Variants in KCNIP1 observed in about 807,000 individuals in gnomAD.
KCNIP1 encodes the protein potassium voltage-gated channel interacting protein 1.
Under a neutral mutation model 33.0 loss-of-function variants are expected in KCNIP1, and 18 were observed. The observed-to-expected ratio is 0.55, with a 90% CI of 0.38 to 0.81. KCNIP1 has a LOEUF of 0.81. KCNIP1 is among the 30% of genes least tolerant of loss of function. The pLI is 0.00. For synonymous variants in KCNIP1, 93 were observed against 98.3 expected (o/e 0.95, Z 0.32); for missense variants, 238 against 271.6 (o/e 0.88, Z 0.87).
At chr5:170,554,512 C>T (rs1028319836) in intron 1 of KCNIP1, among the ~76,000 whole-genome samples, 1 of 152,166 alleles carries the variant, frequency 6.6e-6, no homozygotes. Context: ...GCTCTTGAGG[C>T]CAGAAGAGTG....
intron 5 of KCNIP1, among the ~76,000 whole-genome samples, chr5:170,730,913 A>T (rs1287556992): frequency 6.6e-6 from 1 of 152,224 alleles, no homozygotes; most frequent in Non-Finnish European, 1.5e-5. Flanking sequence ...GAGCAAAATT[A>T]AAAATTATTA....
chr5:170,559,073 G>T (rs1459569879), intron 1 of KCNIP1, among the ~76,000 whole-genome samples: 1 of 152,200 alleles, frequency 6.6e-6, no homozygotes, highest in Non-Finnish European at 1.5e-5. Flanking sequence ...GTATCTGGCA[G>T]CTGTATGAAC....
chr5:170,604,207 T>C (rs1332969065), intron 1 of KCNIP1, among the ~76,000 whole-genome samples: 1 of 152,118 alleles, frequency 6.6e-6, no homozygotes, highest in East Asian at 1.9e-4. Context: ...GGTTCCATTC[T>C]AGGGAAATCT....
chr5:170,698,344 T>C (rs1762970990), intron 1 of KCNIP1, among the ~76,000 whole-genome samples: 1 of 152,204 alleles, frequency 6.6e-6, no homozygotes, highest in African/African-American at 2.4e-5. Flanking sequence ...TATGTGGCTA[T>C]AAAGTTCATG....
At chr5:170,455,643 A>G (rs1312175816) in intron 1 of KCNIP1, among the ~76,000 whole-genome samples, 5 of 152,234 alleles carry the variant, frequency 3.3e-5, no homozygotes, top group Non-Finnish European at 4.4e-5. Flanking sequence ...ATTAGAAAGA[A>G]CTTTTGGAAA....
intron 1 of KCNIP1, among the ~76,000 whole-genome samples, chr5:170,565,365 A>G (rs2060492336): frequency 6.6e-6 from 1 of 152,142 alleles, no homozygotes; most frequent in Admixed American, 6.5e-5. Flanking sequence ...TTAACCAATA[A>G]TCAAATCAGT....
In KCNIP1 at chr5:170,604,758, T is replaced by G. The variant is rs148538258; in HGVS notation, c.61+100125T>G. ...CCAGATCTGTCCCACCCCTGGGAAC[T>G]GGCTCAGTGGCCTTGCCCCACCAGA... On this transcript the variant is annotated intron_variant, in intron 1 of 7. Coordinates refer to ENST00000328939, the MANE Select transcript of KCNIP1 (RefSeq NM_014592.4). 5.6e-3 allele frequency among the ~76,000 whole-genome samples: 860 copies of G among 152,302 alleles called. 5 individuals are homozygous for G. The highest frequency in any genetic ancestry group is 0.02 in the African/African-American group (814 of 41,566).
chr5:170,561,977 C>T (rs889731108), intron 1 of KCNIP1, among the ~76,000 whole-genome samples: 70 of 152,200 alleles, frequency 4.6e-4, no homozygotes, highest in African/African-American at 1.7e-3. Context: ...CATTCTAAGT[C>T]CAGATGCTCC....
chr5:170,512,572 A>G (rs1754977004), intron 1 of KCNIP1, among the ~76,000 whole-genome samples: 2 of 152,214 alleles, frequency 1.3e-5, no homozygotes, highest in Admixed American at 1.3e-4. Context: ...TAATCTAGAA[A>G]ATGAAAGTAT....
chr5:170,437,998 CT>C (rs1755904661), intron 1 of KCNIP1, among the ~76,000 whole-genome samples: 2 of 152,132 alleles, frequency 1.3e-5, no homozygotes, highest in African/African-American at 4.8e-5. Flanking sequence ...ACAGAGCCCC[CT>C]GTTTGCTCCC....
upstream of KCNIP1, among the ~76,000 whole-genome samples, chr5:170,503,740 A>ACACACACGCACGCACAT (rs1415597254): frequency 1.3e-5 from 2 of 150,264 alleles, no homozygotes; most frequent in Non-Finnish European, 3.0e-5. Flanking sequence ...ACACACACAC[A>ACACACACGCACGCACAT]CACACACACA....
chr5:170,608,257 G>A (rs1451534230), intron 1 of KCNIP1, among the ~76,000 whole-genome samples: 1 of 152,226 alleles, frequency 6.6e-6, no homozygotes, highest in African/African-American at 2.4e-5. Context: ...GCTGCTGATA[G>A]AAGAGCAGGA....
At chr5:170,512,242 T>C (rs1484496618) in intron 1 of KCNIP1, among the ~76,000 whole-genome samples, 3 of 152,238 alleles carry the variant, frequency 2.0e-5, no homozygotes, top group Admixed American at 6.5e-5. Flanking sequence ...TATGTTAGAA[T>C]TGCAAACGTT....
intron 1 of KCNIP1, among the ~76,000 whole-genome samples, chr5:170,640,911 C>T (rs1421901831): frequency 1.3e-5 from 2 of 152,172 alleles, no homozygotes; most frequent in Non-Finnish European, 2.9e-5. Context: ...CAGGTGGAAG[C>T]ATCGTTGCTT....
intron 1 of KCNIP1, chr5:170,681,151 A>G (rs188500310): frequency 7.5e-6 from 3 of 399,108 alleles, no homozygotes; most frequent in African/African-American, 4.1e-5. Flanking sequence ...CTTTTGCACT[A>G]CCTCGGACTG....
chr5:170,451,526 G>C (rs1233404143), intron 1 of KCNIP1, among the ~76,000 whole-genome samples: 1 of 151,802 alleles, frequency 6.6e-6, no homozygotes, highest in Admixed American at 6.6e-5. Flanking sequence ...GTGTGTTCCT[G>C]GTCTTTGGCT....
chr5:170,591,678 C>T (rs1483299486), intron 1 of KCNIP1, among the ~76,000 whole-genome samples: 1 of 152,130 alleles, frequency 6.6e-6, no homozygotes, highest in Non-Finnish European at 1.5e-5. Flanking sequence ...CTCTAGGTAC[C>T]TCGTATAATT....
chr5:170,675,427 G>T (rs1762094755), intron 1 of KCNIP1, among the ~76,000 whole-genome samples: 1 of 152,254 alleles, frequency 6.6e-6, no homozygotes, highest in South Asian at 2.1e-4. Context: ...AGACCACCCT[G>T]GCCAACACGG....
At chr5:170,570,304 T>C (rs1020398223) in intron 1 of KCNIP1, among the ~76,000 whole-genome samples, 1 of 152,230 alleles carries the variant, frequency 6.6e-6, no homozygotes, top group African/African-American at 2.4e-5. Context: ...ATCATGCTTT[T>C]CATAATAATC....
Sources: gnomAD v4.1 joint callset for allele counts (sites outside exome capture counted in the v4.1 genomes callset) on GRCh38, gnomAD v4.1.1 for gene constraint, MANE v1.5 for transcripts, NCBI Gene and HGNC (gene_info 2026-07-23, HGNC 2026-07-21) for gene names.